Variants in ZFR observed in about 807,000 individuals in gnomAD.
The protein encoded by ZFR is zinc finger RNA binding protein, also known as zinc finger RNA-binding protein.
A neutral mutation model predicts 130.7 loss-of-function variants in ZFR; 19 were observed. That is an observed-to-expected ratio of 0.15 (90% CI 0.10 to 0.21). The LOEUF is 0.21. ZFR is among the 10% of genes least tolerant of loss of function. ZFR has a pLI of 1.00. For missense variants in ZFR, 872 were observed against 1,321.5 expected (o/e 0.66, Z 5.27); for synonymous variants, 466 against 456.9 (o/e 1.02, Z -0.25).
chr5:32,384,884 T>C (rs1753001179), intron 15 of ZFR, among the ~76,000 whole-genome samples: 1 of 152,172 alleles, frequency 6.6e-6, no homozygotes, highest in South Asian at 2.1e-4. Context: ...TTACACAGTT[T>C]ATTTTTCAGT....
chr5:32,356,561 C>A (rs1381770737), intron 19 of ZFR, among the ~76,000 whole-genome samples: 1 of 151,866 alleles, frequency 6.6e-6, no homozygotes, highest in African/African-American at 2.4e-5. Context: ...TACAGGTGCC[C>A]GCCACCACGC....
chr5:32,385,496 T>C lies in ZFR; in HGVS notation c.2641+12A>G. ...AGTTAATAGAAAGTAGAAAGTTTAA[T>C]GGCTTTCCAACCTCCTTCCCTCATG... On this transcript the variant is annotated intron_variant, in intron 15 of 19. Coordinates refer to ENST00000265069, the MANE Select transcript of ZFR (RefSeq NM_016107.5). 6.2e-7 allele frequency: 1 copy of C among 1,611,586 alleles called. No homozygotes were observed. The highest frequency in any genetic ancestry group is 8.5e-7 in the Non-Finnish European group (1 of 1,178,754).
At chr5:32,398,752 T>A (rs1445634519) in intron 9 of ZFR, among the ~76,000 whole-genome samples, 1 of 151,512 alleles carries the variant, frequency 6.6e-6, no homozygotes, top group Non-Finnish European at 1.5e-5. Context: ...AGTTGTGTGA[T>A]CTCGGCTCAC....
chr5:32,360,487 T>C (rs1033347207), intron 19 of ZFR, among the ~76,000 whole-genome samples: 8 of 152,206 alleles, frequency 5.3e-5, no homozygotes, highest in Admixed American at 2.0e-4. Flanking sequence ...ATTCACATCA[T>C]AGCATGTGTC....
At chr5:32,385,172 G>C (rs1299763668) in intron 15 of ZFR, among the ~76,000 whole-genome samples, 1 of 151,998 alleles carries the variant, frequency 6.6e-6, no homozygotes, top group Non-Finnish European at 1.5e-5. Flanking sequence ...TGTCCCCCTA[G>C]TCACTAGCAA....
intron 1 of ZFR, 52 bp downstream of exon 1, chr5:32,444,570 C>T (rs1754562970): frequency 6.9e-7 from 1 of 1,445,430 alleles, no homozygotes; most frequent in African/African-American, 1.5e-5. Context: ...CCCCGCTGCC[C>T]GGGGCCAGGG....
At chr5:32,420,218 G>A (rs1259361417) in intron 2 of ZFR, 115 bp from the exon 3 acceptor site, 3 of 1,224,634 alleles carry the variant, frequency 2.4e-6, no homozygotes, top group Non-Finnish European at 3.2e-6. Flanking sequence ...GTAATTTAAT[G>A]ACGGACCACA....
intron 2 of ZFR, 49 bp downstream of exon 2, chr5:32,444,180 A>G (rs183443): frequency 0.63 from 990,531 of 1,571,864 alleles, 314,614 homozygotes; most frequent in African/African-American, 0.8. Context: ...CAGGATCCGG[A>G]CCGAGGGGAG....
chr5:32,410,902 T>A (rs971409954), intron 5 of ZFR, among the ~76,000 whole-genome samples: 2 of 152,210 alleles, frequency 1.3e-5, no homozygotes, highest in African/African-American at 4.8e-5. Flanking sequence ...AACAGATACT[T>A]TATAACTGTT....
chr5:32,355,774 A>T lies in ZFR; in HGVS notation c.3211T>A (p.Tyr1071Asn), dbSNP rs146353911. 2 of 1,585,452 alleles carry T rather than the reference A, an allele frequency of 1.3e-6. No homozygotes were observed. Among genetic ancestry groups the T allele is most frequent in the Admixed American group, 1.9e-5 (1 of 52,872 alleles). ...ACAGACACTTTTTAAAAGTTATCATAATCTTTTTTGTCTTTTTTCCCCTCA... is the reference window on the plus strand; with the variant it reads ...ACAGACACTTTTTAAAAGTTATCATTATCTTTTTTGTCTTTTTTCCCCTCA... ...EAEGKKDKKDYDNF is the reference protein window; with the variant it reads ...EAEGKKDKKDNDNF The change falls in exon 20 of 20, where the codon TAT (tyrosine) becomes AAT (asparagine). Residue 1071 changes from tyrosine to asparagine, a missense_variant. Transcript: ENST00000265069.
At chr5:32,360,209 G>GTT (rs1002972010) in intron 19 of ZFR, among the ~76,000 whole-genome samples, 2 of 152,134 alleles carry the variant, frequency 1.3e-5, no homozygotes, top group Non-Finnish European at 1.5e-5. Flanking sequence ...AGCCTTCAAT[G>GTT]TAACTGGACT....
intron 5 of ZFR, among the ~76,000 whole-genome samples, chr5:32,410,163 C>T (rs957297669): frequency 4.7e-5 from 7 of 149,986 alleles, no homozygotes; most frequent in Admixed American, 2.0e-4. Flanking sequence ...AAAATTAGCC[C>T]GGTGTGGTGG....
chr5:32,408,300 G>T (rs1581701917), intron 5 of ZFR, among the ~76,000 whole-genome samples: 1 of 129,530 alleles, frequency 7.7e-6, no homozygotes, highest in East Asian at 2.4e-4. Context: ...TTCCTGTATT[G>T]TGAACGTTTG....
intron 2 of ZFR, among the ~76,000 whole-genome samples, chr5:32,429,638 A>G (rs1581714714): frequency 6.6e-6 from 1 of 152,162 alleles, no homozygotes; most frequent in African/African-American, 2.4e-5. Context: ...CATTACACTT[A>G]CCTGTTGAGC....
rs1247218958 is a variant in ZFR, at chr5:32,395,193, G to A, written c.1945C>T (p.Arg649Ter). Residue 649 changes from arginine to a stop codon, truncating the protein, a stop_gained, in exon 11 of 20, where the codon CGA (arginine) becomes TGA (stop). Coordinates refer to ENST00000265069, the MANE Select transcript of ZFR (RefSeq NM_016107.5). LOFTEE classifies it high-confidence loss of function. The part of the protein sequence containing the change: ...QMQKEEYWRR[R>*]EEEERWRMEM... ...ATTCTCCAACGCTCCTCTTCTTCTC[G>A]TCTTCGCCAGTACTCCTCCTTCTGC... 1 of 1,605,204 alleles carries A rather than the reference G, an allele frequency of 6.2e-7. No homozygotes were observed. Among genetic ancestry groups the A allele is most frequent in the Admixed American group, 1.7e-5 (1 of 58,696 alleles).
chr5:32,395,127 C>T, intron 11 of ZFR, 32 bp downstream of exon 11: 1 of 1,558,780 alleles, frequency 6.4e-7, no homozygotes, highest in Non-Finnish European at 8.7e-7. Flanking sequence ...GGCTGAACCA[C>T]TTACCAGGCT....
At chr5:32,402,100 A>G (rs1316029683) in intron 8 of ZFR, among the ~76,000 whole-genome samples, 1 of 152,248 alleles carries the variant, frequency 6.6e-6, no homozygotes, top group Non-Finnish European at 1.5e-5. Context: ...TGAATTTACC[A>G]GAAAGATTTT....
chr5:32,413,229 AAAACAAAAC>A (rs1389073093), intron 5 of ZFR, among the ~76,000 whole-genome samples: 5 of 146,932 alleles, frequency 3.4e-5, no homozygotes, highest in Non-Finnish European at 6.2e-5. Flanking sequence ...AAAACAAAAC[AAAACAAAAC>A]AAAAAAAACC....
intron 2 of ZFR, among the ~76,000 whole-genome samples, chr5:32,443,472 C>T (rs913386305): frequency 1.3e-5 from 2 of 152,268 alleles, no homozygotes; most frequent in Non-Finnish European, 2.9e-5. Flanking sequence ...GGGGCCTAAA[C>T]TCCATAGCTC....
Sources: allele counts gnomAD v4.1 joint callset (sites outside exome capture counted in the v4.1 genomes callset), GRCh38; gene constraint gnomAD v4.1.1; transcripts MANE v1.5; gene names NCBI Gene and HGNC (gene_info 2026-07-23, HGNC 2026-07-21).